Variants in TENM4 observed in about 807,000 individuals in gnomAD.
TENM4 encodes teneurin transmembrane protein 4.
TENM4 carries 82 observed loss-of-function variants against 243.3 expected under a neutral mutation model. The ratio of observed to expected loss-of-function variants is 0.34; its 90% CI spans 0.28 to 0.40. TENM4 has a LOEUF of 0.40. Among genes scored for constraint, TENM4 ranks in the 10% least tolerant of loss-of-function variants. The probability of loss-of-function intolerance (pLI) is 1.00; values close to 1 mark genes in which losing one functional copy is unlikely to be tolerated. For missense variants in TENM4, 3,138 were observed against 3,673.3 expected, an observed-to-expected ratio of 0.85 and a Z score of 3.77; for synonymous variants, 1,412 against 1,456.3, an observed-to-expected ratio of 0.97 and a Z score of 0.69.
chr11:79,432,876 T>C (rs935557428), intron 1 of TENM4, among the ~76,000 whole-genome samples: 1 of 152,222 alleles, frequency 6.6e-6, no homozygotes, highest in African/African-American at 2.4e-5. Context: ...CATCAAATGC[T>C]AGTTCTAGTG....
chr11:79,375,038 G>A (rs1259228868), intron 1 of TENM4, among the ~76,000 whole-genome samples: 1 of 152,118 alleles, frequency 6.6e-6, no homozygotes. Flanking sequence ...GAGAGAGAGG[G>A]ATTTCAAATA....
intron 17 of TENM4, among the ~76,000 whole-genome samples, chr11:78,776,314 G>T (rs1856738949): frequency 6.6e-6 from 1 of 152,120 alleles, no homozygotes; most frequent in Admixed American, 6.6e-5. Flanking sequence ...TAGTGGGGTG[G>T]TTACTTGCTA....
At chr11:78,746,253 C>G (rs1257152535) in intron 19 of TENM4, among the ~76,000 whole-genome samples, 2 of 152,184 alleles carry the variant, frequency 1.3e-5, no homozygotes, top group African/African-American at 4.8e-5. Flanking sequence ...GAGGGGGTAC[C>G]ACCAGCTCCG....
chr11:79,172,631 A>C (rs901775949), intron 3 of TENM4, among the ~76,000 whole-genome samples: 1 of 151,082 alleles, frequency 6.6e-6, no homozygotes, highest in African/African-American at 2.4e-5. Flanking sequence ...TTGCTTAGAC[A>C]ACAGCAGGAG....
intron 6 of TENM4, among the ~76,000 whole-genome samples, chr11:78,916,379 A>G (rs1446530625): frequency 6.6e-6 from 1 of 152,048 alleles, no homozygotes; most frequent in East Asian, 1.9e-4. Flanking sequence ...CATCTAATTA[A>G]TTTTTCCTTA....
intron 6 of TENM4, among the ~76,000 whole-genome samples, chr11:78,968,148 GCT>G (rs1404738156): frequency 1.3e-5 from 2 of 152,210 alleles, no homozygotes; most frequent in Non-Finnish European, 2.9e-5. Flanking sequence ...CTATACTCAT[GCT>G]CTCTGTCTTG....
intron 18 of TENM4, among the ~76,000 whole-genome samples, chr11:78,761,195 A>C (rs903189524): frequency 1.3e-5 from 2 of 149,194 alleles, no homozygotes; most frequent in African/African-American, 4.9e-5. Flanking sequence ...TCCTATGGGA[A>C]TCTTGTATGG....
chr11:79,036,254 G>A (rs1406443837), intron 6 of TENM4, among the ~76,000 whole-genome samples: 2 of 152,206 alleles, frequency 1.3e-5, no homozygotes, highest in Non-Finnish European at 2.9e-5. Flanking sequence ...ACCCAAGGCA[G>A]GCATCCTTCT....
chr11:78,891,226 G>A lies in TENM4; in HGVS notation c.848+12C>T. On this transcript the variant is annotated intron_variant, in intron 8 of 33. Transcript: ENST00000278550. ...GAGCACACACAGAGAGGAGAATGGGGATGTCACCTACCCGTCACTGTAAGC... is the reference window on the plus strand; with the variant it reads ...GAGCACACACAGAGAGGAGAATGGGAATGTCACCTACCCGTCACTGTAAGC... The A allele has an allele frequency of 6.4e-7, 1 of 1,551,090 alleles. No homozygotes were observed. The highest frequency in any genetic ancestry group is 8.7e-7 in the Non-Finnish European group (1 of 1,146,500).
chr11:79,038,213 T>C (rs1359254993), intron 6 of TENM4, among the ~76,000 whole-genome samples: 2 of 152,230 alleles, frequency 1.3e-5, no homozygotes, highest in Non-Finnish European at 2.9e-5. Context: ...GATACATGGA[T>C]GAGAGAACAA....
At chr11:78,828,122 T>A (rs1213266760) in intron 12 of TENM4, among the ~76,000 whole-genome samples, 3 of 152,184 alleles carry the variant, frequency 2.0e-5, no homozygotes, top group Non-Finnish European at 2.9e-5. Flanking sequence ...TGTCCTTTGG[T>A]GTGTTCAGCC....
rs538021354 is a variant in TENM4, at chr11:78,781,230, A to G, written c.2366-2602T>C. ...ATGATTTTAAAGTACCAACTTTTAG[A>G]AAAGATGATGCAAGCTTTGCATTAT... On this transcript the variant is annotated intron_variant, in intron 16 of 33. Transcript: ENST00000278550. Among the ~76,000 whole-genome samples the G allele has an allele frequency of 5.3e-5, 8 of 152,324 alleles. No homozygotes were observed. In the East Asian group the frequency reaches 1.4e-3, roughly 26 times the overall value.
At chr11:78,770,959 G>A in intron 18 of TENM4, 33 bp downstream of exon 18, 1 of 1,562,558 alleles carries the variant, frequency 6.4e-7, no homozygotes, top group Non-Finnish European at 8.7e-7. Context: ...ACCCTCTGGA[G>A]CCGCCTGGAG....
Position 79,361,305 on chromosome 11 carries a change from A to G in TENM4, c.-320-63762T>C, listed in dbSNP as rs1319544492. ...ACTTGTGTCAGATTCATGATTTTAGAGTGTTCATTCTTACCAGCCTCAAAT... is the reference window on the plus strand; with the variant it reads ...ACTTGTGTCAGATTCATGATTTTAGGGTGTTCATTCTTACCAGCCTCAAAT... On this transcript the variant is annotated intron_variant, in intron 1 of 33. Transcript: ENST00000278550. 2.0e-5 allele frequency among the ~76,000 whole-genome samples: 3 copies of G among 152,198 alleles called. No homozygotes were observed. In the East Asian group the frequency reaches 5.8e-4, roughly 29 times the overall value.
chr11:78,939,336 G>A (rs187855112), intron 6 of TENM4, among the ~76,000 whole-genome samples: 16 of 152,154 alleles, frequency 1.1e-4, no homozygotes, highest in African/African-American at 1.2e-4. Flanking sequence ...ATATAATCAC[G>A]CTCAAACTTT....
chr11:78,944,030 G>A (rs2136466289), intron 6 of TENM4, among the ~76,000 whole-genome samples: 1 of 152,280 alleles, frequency 6.6e-6, no homozygotes, highest in Non-Finnish European at 1.5e-5. Context: ...TCTCACAGAG[G>A]CCATATGACA....
At chr11:78,901,599 A>C (rs1855930380) in intron 7 of TENM4, among the ~76,000 whole-genome samples, 1 of 152,176 alleles carries the variant, frequency 6.6e-6, no homozygotes, top group African/African-American at 2.4e-5. Context: ...TGAACATCCA[A>C]GCAGAGGGAG....
chr11:79,350,669 G>T (rs1156851857), intron 1 of TENM4, among the ~76,000 whole-genome samples: 1 of 151,100 alleles, frequency 6.6e-6, no homozygotes. Flanking sequence ...CGAACTCCTG[G>T]CCTCGAGTGG....
intron 2 of TENM4, among the ~76,000 whole-genome samples, chr11:79,262,224 C>T (rs771249279): frequency 2.9e-4 from 44 of 152,108 alleles, no homozygotes; most frequent in South Asian, 2.1e-4. Flanking sequence ...TCAATAATGA[C>T]GCCTGCCTCA....
Sources: gnomAD v4.1 joint callset for allele counts (sites outside exome capture counted in the v4.1 genomes callset) on GRCh38, gnomAD v4.1.1 for gene constraint, MANE v1.5 for transcripts, NCBI Gene and HGNC (gene_info 2026-07-23, HGNC 2026-07-21) for gene names.